EIF4E3: variants seen among roughly 807,000 people sequenced by gnomAD.
EIF4E3 encodes eukaryotic translation initiation factor 4E type 3.
Under a neutral mutation model 31.7 loss-of-function variants are expected in EIF4E3, and 26 were observed. That is an observed-to-expected ratio of 0.82 (90% CI 0.60 to 1.14). The LOEUF is 1.14. Among genes scored for constraint, EIF4E3 ranks in the 50% most tolerant of loss-of-function variants. EIF4E3 has a pLI of 0.00. For synonymous variants in EIF4E3, 128 were observed against 107.7 expected (o/e 1.19, Z -1.17); for missense variants, 304 against 270.9 (o/e 1.12, Z -0.86).
intron 2 of EIF4E3, among the ~76,000 whole-genome samples, chr3:71,707,610 T>C (rs537162201): frequency 3.5e-4 from 53 of 152,308 alleles, no homozygotes; most frequent in African/African-American, 1.2e-3. Flanking sequence ...TTTTTTTCAC[T>C]GTTCCCCCCT....
upstream of EIF4E3, among the ~76,000 whole-genome samples, chr3:71,729,949 A>G (rs1057415442): frequency 5.3e-5 from 8 of 152,112 alleles, no homozygotes; most frequent in Admixed American, 6.5e-5. Flanking sequence ...GTGTGATACT[A>G]TAAATATGCA....
At chr3:71,753,947 C>A, upstream of EIF4E3, 2 of 1,018,346 alleles carry the variant, frequency 2.0e-6, no homozygotes, top group Non-Finnish European at 2.3e-6. Flanking sequence ...ACGGGGAGCT[C>A]GCCCAGGGCC....
At chr3:71,663,220 A>C in the EIF4E3 span, among the ~76,000 whole-genome samples, 1 of 152,032 alleles carries the variant, frequency 6.6e-6, no homozygotes, top group African/African-American at 2.4e-5. Flanking sequence ...CTGTTGTGTT[A>C]TTTTCAAATT....
At chr3:71,662,365 G>T in the EIF4E3 span, among the ~76,000 whole-genome samples, 1 of 152,198 alleles carries the variant, frequency 6.6e-6, no homozygotes, top group Non-Finnish European at 1.5e-5. Flanking sequence ...CAAACCAGAG[G>T]TAACCAGCTC....
chr3:71,686,971 C>T (rs1439627304), intron 6 of EIF4E3, among the ~76,000 whole-genome samples: 1 of 152,112 alleles, frequency 6.6e-6, no homozygotes, highest in Non-Finnish European at 1.5e-5. Context: ...GTCTTTATGA[C>T]CATATGGTCT....
intron 1 of EIF4E3, among the ~76,000 whole-genome samples, chr3:71,719,316 T>A (rs552014328): frequency 2.0e-4 from 30 of 152,296 alleles, no homozygotes; most frequent in African/African-American, 5.5e-4. Context: ...ACTCTCAAGT[T>A]TGGATTTCTA....
chr3:71,699,689 T>C lies in EIF4E3; in HGVS notation c.269A>G (p.Asn90Ser), dbSNP rs1311597858. Residue 90 changes from asparagine (N) to serine (S), a missense_variant, in exon 3 of 7, where the codon AAT (asparagine) becomes AGT (serine). Physicochemically the swap from Asn to Ser is conservative, Grantham distance 46 (BLOSUM62 1). Transcript: ENST00000425534. The stretch of plus-strand genomic sequence containing the variant: ...CAGGCTAGTCACAGGAGGGATATTA[T>C]TGTATACACTCCAAAATATCTTTAA... ...QTVQIFWSVY[N>S]NIPPVTSLPL... 1.2e-6 allele frequency: 2 copies of C among 1,613,166 alleles called. No homozygotes were observed. The highest frequency in any genetic ancestry group is 2.2e-5 in the East Asian group (1 of 44,872).
intron 2 of EIF4E3, among the ~76,000 whole-genome samples, chr3:71,709,011 C>T (rs557935894): frequency 6.6e-6 from 1 of 152,264 alleles, no homozygotes; most frequent in Admixed American, 6.5e-5. Context: ...CCACACGCAG[C>T]ACCTTACAAT....
rs370128391 is a variant in EIF4E3, at chr3:71,676,733, G to C, written c.*7949C>G. 1.3e-5 allele frequency: 2 copies of C among 150,410 alleles called. No homozygotes were observed. The highest frequency in any genetic ancestry group is 3.0e-5 in the Non-Finnish European group (2 of 67,736). 9.3% of individuals were successfully genotyped at this position (150,410 alleles called of 1,614,324 possible). A position where few individuals can be genotyped will look rare whatever the true frequency, so the allele number is the denominator to read the frequency against. On this transcript the variant is annotated 3_prime_UTR_variant, in exon 7 of 7. Coordinates refer to ENST00000425534, the MANE Select transcript of EIF4E3 (RefSeq NM_001134651.2). The stretch of plus-strand genomic sequence containing the variant: ...ACCTCTGTTAAAATGTGGATTCCAA[G>C]ATGTTTGTTTTCAAAAAAAAAAAAA...
intron 4 of EIF4E3, 136 bp from the exon 5 acceptor site, chr3:71,694,077 C>T: frequency 1.3e-6 from 1 of 749,076 alleles, no homozygotes; most frequent in East Asian, 3.0e-5. Flanking sequence ...AGTCCACAGA[C>T]ACCTCCAAAT....
intron 2 of EIF4E3, among the ~76,000 whole-genome samples, chr3:71,707,565 A>G (rs994681307): frequency 2.0e-5 from 3 of 152,190 alleles, no homozygotes; most frequent in Non-Finnish European, 4.4e-5. Flanking sequence ...GACAGAAAGG[A>G]ATTTCCTGAT....
upstream of EIF4E3, among the ~76,000 whole-genome samples, chr3:71,730,307 TTGCTGAGCTCCAGA>T (rs1459411679): frequency 6.6e-6 from 1 of 152,220 alleles, no homozygotes; most frequent in Non-Finnish European, 1.5e-5. Flanking sequence ...GTTATTAACC[TTGCTGAGCTCCAGA>T]TTCCTCATCT....
chr3:71,673,846 A>T (rs571103554), downstream of EIF4E3, among the ~76,000 whole-genome samples: 1 of 150,464 alleles, frequency 6.6e-6, no homozygotes, highest in African/African-American at 2.4e-5. Flanking sequence ...TCTATATCTC[A>T]GCAATACTAA....
At chr3:71,721,537 AG>A (rs1245005960) in intron 1 of EIF4E3, among the ~76,000 whole-genome samples, 1 of 152,200 alleles carries the variant, frequency 6.6e-6, no homozygotes, top group Non-Finnish European at 1.5e-5. Context: ...GGGCAGGACC[AG>A]GTGAAGGTAA....
At chr3:71,751,471 AC>A (rs2049928688) in intron 1 of EIF4E3, among the ~76,000 whole-genome samples, 3 of 152,344 alleles carry the variant, frequency 2.0e-5, no homozygotes, top group Admixed American at 2.0e-4. Context: ...CATTAGTATT[AC>A]CATAAAGCAA....
At chr3:71,671,653 C>T (rs2048848217), downstream of EIF4E3, among the ~76,000 whole-genome samples, 1 of 152,148 alleles carries the variant, frequency 6.6e-6, no homozygotes, top group African/African-American at 2.4e-5. Flanking sequence ...TCCCTACTCT[C>T]CGGGCGGCGG....
At chr3:71,725,430 A>C, upstream of EIF4E3, 1 of 936,932 alleles carries the variant, frequency 1.1e-6, no homozygotes, top group Non-Finnish European at 1.3e-6. The surrounding 1 kb of genome is among the most constrained non-coding windows in gnomAD (Gnocchi z 6.1). Context: ...CGGCTGAGTC[A>C]CCCCCGGCCC....
At chr3:71,751,823 T>C (rs538147903) in intron 1 of EIF4E3, among the ~76,000 whole-genome samples, 2 of 152,176 alleles carry the variant, frequency 1.3e-5, no homozygotes, top group African/African-American at 4.8e-5. Context: ...ACTGTGATCA[T>C]GAGGGAAGGG....
the EIF4E3 span, among the ~76,000 whole-genome samples, chr3:71,663,869 G>A: frequency 1.3e-5 from 2 of 152,196 alleles, no homozygotes; most frequent in African/African-American, 4.8e-5. Flanking sequence ...CGTGCCACCT[G>A]CTATACTTGA....
Sources: gnomAD v4.1 joint callset for allele counts (sites outside exome capture counted in the v4.1 genomes callset) on GRCh38, gnomAD v4.1.1 for gene constraint, Gnocchi (gnomAD v3.1) non-coding constraint, MANE v1.5 for transcripts, NCBI Gene and HGNC (gene_info 2026-07-23, HGNC 2026-07-21) for gene names.